Variants in PCDHA5 observed in about 807,000 individuals in gnomAD.
PCDHA5 encodes protocadherin alpha 5, also known as protocadherin alpha-5.
PCDHA5 carries 43 observed loss-of-function variants against 61.6 expected under a neutral mutation model. That is an observed-to-expected ratio of 0.70 (90% confidence interval 0.55 to 0.90). The LOEUF (loss-of-function observed/expected upper bound fraction) is 0.90, where lower values mean the gene tolerates loss of function less well. Ranked by LOEUF, PCDHA5 falls within the 40% of genes least tolerant of loss-of-function variation. The probability of loss-of-function intolerance (pLI) is 0.00; values close to 1 mark genes in which losing one functional copy is unlikely to be tolerated. For synonymous variants in PCDHA5, 627 were observed against 543.9 expected (o/e 1.15, Z -2.13); for missense variants, 1,298 against 1,222.7 (o/e 1.06, Z -0.92).
intron 1 of PCDHA5, chr5:140,861,215 A>G (rs77020201): frequency 0.081 from 13,442 of 165,830 alleles, 594 homozygotes; most frequent in Middle Eastern, 0.11. Flanking sequence ...TAACCAAAAG[A>G]GAGGCATAAT....
At chr5:140,843,304 C>G (rs2150356889) in intron 1 of PCDHA5, 4 of 1,595,876 alleles carry the variant, frequency 2.5e-6, no homozygotes, top group Middle Eastern at 1.7e-4. Context: ...CGCTGACCGC[C>G]ACGGCCACGG....
At chr5:140,896,022 GC>G (rs2065315462) in intron 1 of PCDHA5, among the ~76,000 whole-genome samples, 3 of 152,138 alleles carry the variant, frequency 2.0e-5, no homozygotes, top group Admixed American at 1.3e-4. Context: ...TGTTGGCCAG[GC>G]TGGTCTCGAA....
At chr5:140,942,541 G>C (rs1241528363) in intron 1 of PCDHA5, among the ~76,000 whole-genome samples, 1 of 152,056 alleles carries the variant, frequency 6.6e-6, no homozygotes, top group African/African-American at 2.4e-5. Context: ...CAGTATGGTG[G>C]GGGGTAGGGG....
intron 1 of PCDHA5, among the ~76,000 whole-genome samples, chr5:140,957,852 A>T (rs968818783): frequency 6.6e-6 from 1 of 151,658 alleles, no homozygotes. Flanking sequence ...GAGTTTGTGT[A>T]TTTTTTTTCC....
At chr5:140,863,412 G>A (rs1226445956) in intron 1 of PCDHA5, 2 of 735,306 alleles carry the variant, frequency 2.7e-6, no homozygotes, top group Non-Finnish European at 4.6e-6. Flanking sequence ...CCACGCTGGT[G>A]TACCGCAGCG....
chr5:140,832,037 T>C (rs1771814112), intron 1 of PCDHA5, among the ~76,000 whole-genome samples: 1 of 152,240 alleles, frequency 6.6e-6, no homozygotes, highest in Non-Finnish European at 1.5e-5. Flanking sequence ...TTGTTATTCA[T>C]AGTGAGGCCA....
intron 1 of PCDHA5, chr5:140,884,465 G>C (rs782791774): frequency 1.2e-6 from 2 of 1,613,634 alleles, no homozygotes; most frequent in Admixed American, 3.3e-5. Context: ...GGGCGCGTGC[G>C]CGCCGGGCAA....
At chr5:140,886,107 G>T (rs1340579685) in intron 1 of PCDHA5, among the ~76,000 whole-genome samples, 2 of 152,142 alleles carry the variant, frequency 1.3e-5, no homozygotes, top group Non-Finnish European at 2.9e-5. Flanking sequence ...ATACAGTAAA[G>T]AAGTAACATA....
intron 1 of PCDHA5, chr5:140,862,291 C>A (rs1029513176): frequency 7.5e-6 from 2 of 265,238 alleles, no homozygotes; most frequent in Admixed American, 4.8e-5. Flanking sequence ...TACAGGAGGA[C>A]GCTCCACTGG....
intron 1 of PCDHA5, among the ~76,000 whole-genome samples, chr5:140,884,988 A>G (rs2060423125): frequency 6.6e-6 from 1 of 152,242 alleles, no homozygotes; most frequent in African/African-American, 2.4e-5. Context: ...CATTTAGAAA[A>G]TGTTTGTTTT....
At chr5:140,973,628 T>G (rs1005772685) in intron 1 of PCDHA5, among the ~76,000 whole-genome samples, 13 of 152,250 alleles carry the variant, frequency 8.5e-5, no homozygotes, top group Admixed American at 2.6e-4. Context: ...TTCTGTATCT[T>G]GTACACATTC....
intron 3 of PCDHA5, among the ~76,000 whole-genome samples, chr5:140,987,224 A>AT (rs34154612): frequency 0.031 from 4,713 of 152,034 alleles, 257 homozygotes; most frequent in African/African-American, 0.11. Context: ...AAAAAAAAAA[A>AT]AAATAATAAA....
chr5:141,004,024 C>T (rs1380291199), intron 3 of PCDHA5, among the ~76,000 whole-genome samples: 1 of 152,210 alleles, frequency 6.6e-6, no homozygotes, highest in African/African-American at 2.4e-5. Context: ...AAAGAAGAAA[C>T]ATTTCCTTGA....
intron 1 of PCDHA5, among the ~76,000 whole-genome samples, chr5:140,907,186 C>A (rs782137829): frequency 1.3e-4 from 20 of 152,186 alleles, no homozygotes; most frequent in Non-Finnish European, 2.5e-4. Context: ...AGAGCATACA[C>A]AACCTTCTGG....
intron 1 of PCDHA5, among the ~76,000 whole-genome samples, chr5:140,887,610 A>G (rs544288452): frequency 3.2e-4 from 49 of 151,656 alleles, no homozygotes; most frequent in Admixed American, 2.7e-3. Context: ...GTGCTTTAGT[A>G]TGGTTTTCTT....
intron 1 of PCDHA5, among the ~76,000 whole-genome samples, chr5:140,909,201 C>T (rs1379290108): frequency 2.0e-5 from 3 of 152,136 alleles, no homozygotes; most frequent in South Asian, 2.1e-4. Context: ...GACACAAAGC[C>T]GGAGAGTTGA....
chr5:140,824,114 C>T lies in PCDHA5; in HGVS notation c.2339C>T (p.Thr780Ile), dbSNP rs1218962389. Residue 780 changes from threonine (T) to isoleucine (I), a missense_variant, in exon 1 of 4, where the codon ACC becomes ATC. Thr to Ile is a moderately conservative substitution (Grantham distance 89). Transcript: ENST00000529859. ...AFSPSLPQGP[T>I]STDNPRQPNP... ...AGTCCAAGCCTTCCTCAGGGTCCCACCTCTACAGACAACGTGAGTTTTCTA... is the reference window on the plus strand; with the variant it reads ...AGTCCAAGCCTTCCTCAGGGTCCCATCTCTACAGACAACGTGAGTTTTCTA... 1 of 1,613,950 alleles carries T rather than the reference C, an allele frequency of 6.2e-7. No individual in the cohort carries two copies. The highest frequency in any genetic ancestry group is 8.5e-7 in the Non-Finnish European group (1 of 1,179,860).
At chr5:140,896,381 C>A (rs1235283612) in intron 1 of PCDHA5, among the ~76,000 whole-genome samples, 1 of 152,160 alleles carries the variant, frequency 6.6e-6, no homozygotes, top group Non-Finnish European at 1.5e-5. Context: ...TTCTCTGCAA[C>A]CTCACCAGCA....
At chr5:140,977,836 T>C (rs1300356505) in intron 1 of PCDHA5, among the ~76,000 whole-genome samples, 1 of 152,236 alleles carries the variant, frequency 6.6e-6, no homozygotes, top group African/African-American at 2.4e-5. Flanking sequence ...TCTATTGATA[T>C]TACTATGGCT....
Sources: allele counts gnomAD v4.1 joint callset (sites outside exome capture counted in the v4.1 genomes callset), GRCh38; gene constraint gnomAD v4.1.1; transcripts MANE v1.5; gene names NCBI Gene and HGNC (gene_info 2026-07-23, HGNC 2026-07-21).